PUS7: variants seen among roughly 807,000 people sequenced by gnomAD.
PUS7 encodes the protein pseudouridine synthase 7.
Under a neutral mutation model 79.8 loss-of-function variants are expected in PUS7, and 48 were observed. That is an observed-to-expected ratio of 0.60 (90% CI 0.48 to 0.76). PUS7 has a LOEUF of 0.76. Among genes scored for constraint, PUS7 ranks in the 30% least tolerant of loss-of-function variants. PUS7 has a pLI of 0.00. For missense variants in PUS7, 729 were observed against 797.6 expected (o/e 0.91, Z 1.04); for synonymous variants, 286 against 272.2 (o/e 1.05, Z -0.50).
chr7:105,465,656 A>G (rs186659423), intron 12 of PUS7, among the ~76,000 whole-genome samples: 1 of 152,116 alleles, frequency 6.6e-6, no homozygotes, highest in African/African-American at 2.4e-5. Flanking sequence ...AACATGGAGA[A>G]ACCCCGTCTC....
At chr7:105,460,853 C>CAAAAAAA (rs55923593) in intron 14 of PUS7, among the ~76,000 whole-genome samples, 3 of 83,562 alleles carry the variant, frequency 3.6e-5, no homozygotes, top group Admixed American at 3.1e-4. Context: ...GACTCCGTCT[C>CAAAAAAA]AAAAAAAAAA....
At chr7:105,475,248 C>T (rs756192303) in intron 9 of PUS7, among the ~76,000 whole-genome samples, 35 of 152,180 alleles carry the variant, frequency 2.3e-4, no homozygotes, top group South Asian at 8.3e-4. Flanking sequence ...TGCAGTGGCA[C>T]GATCTCGGCT....
intron 1 of PUS7, among the ~76,000 whole-genome samples, chr7:105,514,259 T>C (rs977795448): frequency 7.8e-6 from 1 of 128,980 alleles, no homozygotes; most frequent in African/African-American, 3.0e-5. Flanking sequence ...TTATTATGGA[T>C]GATTTACATA....
intron 1 of PUS7, among the ~76,000 whole-genome samples, chr7:105,513,912 T>TA (rs886462678): frequency 2.2e-5 from 3 of 139,244 alleles, no homozygotes; most frequent in South Asian, 2.5e-4. Context: ...TGGAGGAGTT[T>TA]AAAAAAAGAA....
Position 105,506,182 on chromosome 7 carries a change from C to T in PUS7, c.483+7G>A. ...GAAGGTGACATTTGCTAAAGAGCTACTTCTACCTCCTCATCCACTGGAATG... is the reference window on the plus strand; with the variant it reads ...GAAGGTGACATTTGCTAAAGAGCTATTTCTACCTCCTCATCCACTGGAATG... On this transcript the variant is annotated splice_region_variant and intron_variant, in intron 3 of 15. Coordinates refer to ENST00000469408, the MANE Select transcript of PUS7 (RefSeq NM_019042.5). The T allele has an allele frequency of 6.2e-7, 1 of 1,606,688 alleles. No homozygotes were observed. The highest frequency in any genetic ancestry group is 8.5e-7 in the Non-Finnish European group (1 of 1,175,602).
chr7:105,466,584 CA>C (rs1022514070), intron 12 of PUS7, among the ~76,000 whole-genome samples: 4 of 152,010 alleles, frequency 2.6e-5, no homozygotes, highest in African/African-American at 7.3e-5. Flanking sequence ...AATTTAAAAA[CA>C]TTTATCTCTC....
intron 6 of PUS7, among the ~76,000 whole-genome samples, chr7:105,491,875 G>A (rs912425570): frequency 4.6e-5 from 7 of 151,952 alleles, no homozygotes; most frequent in African/African-American, 1.7e-4. Flanking sequence ...TAACCAATAT[G>A]GTGAAACCCC....
At chr7:105,503,825 G>A (rs928620519) in intron 4 of PUS7, among the ~76,000 whole-genome samples, 4 of 152,222 alleles carry the variant, frequency 2.6e-5, no homozygotes, top group East Asian at 3.9e-4. Flanking sequence ...TAGAGATGGC[G>A]TTTCGCCATG....
intron 6 of PUS7, 141 bp downstream of exon 6, chr7:105,495,001 G>C: frequency 2.8e-6 from 1 of 362,702 alleles, no homozygotes; most frequent in Non-Finnish European, 5.0e-6. Context: ...AAGAAAGAAA[G>C]AAAGAAAGAA....
chr7:105,497,774 C>T (rs1409440305), intron 5 of PUS7, among the ~76,000 whole-genome samples: 1 of 151,890 alleles, frequency 6.6e-6, no homozygotes, highest in African/African-American at 2.4e-5. Flanking sequence ...CTTTAAAATG[C>T]TCCAGCAAGA....
intron 4 of PUS7, among the ~76,000 whole-genome samples, chr7:105,504,902 G>C (rs1359183641): frequency 6.6e-6 from 1 of 152,050 alleles, no homozygotes; most frequent in Non-Finnish European, 1.5e-5. Flanking sequence ...ATTCTGAAAA[G>C]TTGTAGTACG....
At chr7:105,508,811 G>A (rs1203512746) in intron 1 of PUS7, among the ~76,000 whole-genome samples, 1 of 138,576 alleles carries the variant, frequency 7.2e-6, no homozygotes, top group Non-Finnish European at 1.5e-5. Flanking sequence ...GGCAGAGGTT[G>A]CAGTGAGTTA....
chr7:105,483,177 C>CT lies in PUS7; in HGVS notation c.921-738dup, dbSNP rs1337345763. 2.7e-3 allele frequency among the ~76,000 whole-genome samples: 244 copies of CT among 91,154 alleles called. 1 individual carries two copies. Among genetic ancestry groups the CT allele is most frequent in the African/African-American group, 3.1e-3 (67 of 21,942 alleles). The allele number at this position is 91,154 out of a possible 152,430, so 59.8% of individuals were successfully genotyped here. On this transcript the variant is annotated intron_variant, in intron 7 of 15. Transcript: ENST00000469408. ...ACACCCAATGTTGTTTCTTTCTTTC[C>CT]TTTTTTTTTTTTGAGACAGTCTCTC...
At chr7:105,466,283 G>T (rs959603268) in intron 12 of PUS7, among the ~76,000 whole-genome samples, 1 of 151,952 alleles carries the variant, frequency 6.6e-6, no homozygotes, top group Non-Finnish European at 1.5e-5. Context: ...TTTGAGACAG[G>T]GTCTTGCTCT....
chr7:105,497,716 T>C (rs1586155417), intron 5 of PUS7, among the ~76,000 whole-genome samples: 1 of 152,102 alleles, frequency 6.6e-6, no homozygotes, highest in South Asian at 2.1e-4. Flanking sequence ...ATCTGGCAAA[T>C]AGATACTGAA....
intron 9 of PUS7, among the ~76,000 whole-genome samples, chr7:105,474,630 A>AAT (rs1824012341): frequency 6.8e-6 from 1 of 145,986 alleles, no homozygotes; most frequent in African/African-American, 2.5e-5. Flanking sequence ...AAAAAAAAAA[A>AAT]AATAATCGGG....
intron 1 of PUS7, among the ~76,000 whole-genome samples, chr7:105,509,184 C>CAAAAAAAAAAAAAAAAAAAAAAA (rs57095427): frequency 3.1e-4 from 17 of 55,712 alleles, no homozygotes; most frequent in South Asian, 1.1e-3. Flanking sequence ...GACTCCATCT[C>CAAAAAAAAAAAAAAAAAAAAAAA]AAAAAAAAAA....
chr7:105,489,167 AAG>A (rs1824681919), intron 7 of PUS7, among the ~76,000 whole-genome samples: 1 of 149,742 alleles, frequency 6.7e-6, no homozygotes, highest in Non-Finnish European at 1.5e-5. Context: ...AAAAAAAAAA[AAG>A]AAAGAAAGAA....
rs1823471866 is a variant in PUS7, at chr7:105,462,452, CA to C, written c.1757+168del. The C allele has an allele frequency of 9.2e-6, 6 of 650,990 alleles. 1 individual carries two copies. Among genetic ancestry groups the C allele is most frequent in the Admixed American group, 3.8e-5 (1 of 26,370 alleles). The allele number at this position is 650,990 out of a possible 1,614,324, so 40.3% of individuals were successfully genotyped here. ...TCTCAAAAAAAAACCAAAAAAAAAA[CA>C]AAAGGTAAGTAAAAATATGGTGTTA... On this transcript the variant is annotated intron_variant, in intron 14 of 15. Transcript: ENST00000469408.
Sources: allele counts gnomAD v4.1 joint callset (sites outside exome capture counted in the v4.1 genomes callset), GRCh38; gene constraint gnomAD v4.1.1; transcripts MANE v1.5; gene names NCBI Gene and HGNC (gene_info 2026-07-23, HGNC 2026-07-21).